ECHDC1: variants seen among roughly 807,000 people sequenced by gnomAD.
ECHDC1 encodes ethylmalonyl-CoA decarboxylase 1, also known as ethylmalonyl-CoA decarboxylase.
ECHDC1 carries 29 observed loss-of-function variants against 29.7 expected under a neutral mutation model. The ratio of observed to expected loss-of-function variants is 0.98; its 90% CI spans 0.73 to 1.33. The LOEUF is 1.33. Among genes scored for constraint, ECHDC1 ranks in the 40% most tolerant of loss-of-function variants. The pLI, the probability that ECHDC1 is intolerant of heterozygous loss-of-function variation, is 0.00. For synonymous variants in ECHDC1, 126 were observed against 123.1 expected, an observed-to-expected ratio of 1.02 and a Z score of -0.15; for missense variants, 328 against 350.0, an observed-to-expected ratio of 0.94 and a Z score of 0.50.
At chr6:127,338,509 A>G (rs556126906) in intron 1 of ECHDC1, among the ~76,000 whole-genome samples, 61 of 152,278 alleles carry the variant, frequency 4.0e-4, no homozygotes, top group African/African-American at 1.4e-3. Flanking sequence ...ACATTAAATC[A>G]GTGCATGGAA....
Position 127,290,206 on chromosome 6 carries a change from G to GT in ECHDC1, c.568dup (p.Thr190AsnfsTer6). 1.2e-6 allele frequency: 2 copies of GT among 1,613,586 alleles called. No homozygotes were observed. Among genetic ancestry groups the GT allele is most frequent in the Non-Finnish European group, 8.5e-7 (1 of 1,179,728 alleles). ...TCCGATTATTTCAACTAGCCGGGTG[G>GT]TGCCACCCCAGCTTGGTATTATGCC... On this transcript the variant is annotated frameshift_variant, in exon 6 of 6. Transcript: ENST00000454859. LOFTEE classifies it high-confidence loss of function.
chr6:127,310,365 A>T (rs961173297), intron 5 of ECHDC1, among the ~76,000 whole-genome samples: 3 of 152,142 alleles, frequency 2.0e-5, no homozygotes, highest in Admixed American at 2.0e-4. Context: ...AAATATATAC[A>T]TCTACTATGT....
intron 3 of ECHDC1, among the ~76,000 whole-genome samples, chr6:127,320,863 C>T (rs192960957): frequency 2.6e-5 from 4 of 151,306 alleles, no homozygotes; most frequent in South Asian, 4.2e-4. Context: ...CATACCAAGA[C>T]GCGATCAACT....
At chr6:127,317,677 G>A (rs1012156652) in intron 3 of ECHDC1, among the ~76,000 whole-genome samples, 8 of 152,130 alleles carry the variant, frequency 5.3e-5, no homozygotes, top group South Asian at 2.1e-4. Context: ...CTGAGCTAGC[G>A]GTCAATAAGG....
intron 5 of ECHDC1, among the ~76,000 whole-genome samples, chr6:127,309,802 AAG>A (rs1204504691): frequency 6.6e-6 from 1 of 152,224 alleles, no homozygotes; most frequent in Non-Finnish European, 1.5e-5. Flanking sequence ...GCAGAAGGCG[AAG>A]CGGAAGCAGG....
intron 4 of ECHDC1, chr6:127,315,392 T>A: frequency 1.0e-5 from 3 of 300,524 alleles, no homozygotes; most frequent in South Asian, 9.3e-5. Context: ...CCTTCAAAAA[T>A]CTACTCATTG....
chr6:127,320,174 T>A (rs1177475658), intron 3 of ECHDC1, among the ~76,000 whole-genome samples: 1 of 152,144 alleles, frequency 6.6e-6, no homozygotes, highest in Non-Finnish European at 1.5e-5. Flanking sequence ...CCTGCCACCA[T>A]GGCCAAGTAA....
intron 3 of ECHDC1, among the ~76,000 whole-genome samples, chr6:127,324,636 G>A (rs1055433468): frequency 1.3e-5 from 2 of 152,020 alleles, no homozygotes; most frequent in African/African-American, 2.4e-5. Context: ...TTATATAATT[G>A]GAGCAGGGAA....
intron 1 of ECHDC1, among the ~76,000 whole-genome samples, chr6:127,335,746 A>T (rs1441766834): frequency 6.6e-6 from 1 of 152,110 alleles, no homozygotes; most frequent in Non-Finnish European, 1.5e-5. Context: ...GATATACAAA[A>T]CTAATAAGCA....
Position 127,326,758 on chromosome 6 carries a change from T to A in ECHDC1, c.363+244A>T, listed in dbSNP as rs190165244. ...TGAGAGTGTTCTGCTAAACTAGAAA[T>A]AACAGTAATTTCAAAGCTTTTAACA... is the stretch of plus-strand genomic sequence containing the variant. On this transcript the variant is annotated intron_variant, in intron 3 of 5. Coordinates refer to ENST00000454859, the MANE Select transcript of ECHDC1 (RefSeq NM_001002030.2). 953 of 444,052 alleles carry A rather than the reference T, an allele frequency of 2.1e-3. 9 individuals carry two copies. Among genetic ancestry groups the A allele is most frequent in the African/African-American group, 0.017 (879 of 50,466 alleles). 27.5% of individuals were successfully genotyped at this position (444,052 alleles called of 1,614,324 possible).
At chr6:127,311,978 A>G (rs1016350585) in intron 5 of ECHDC1, among the ~76,000 whole-genome samples, 3 of 152,030 alleles carry the variant, frequency 2.0e-5, no homozygotes, top group Non-Finnish European at 4.4e-5. Context: ...CAAGTTTTTC[A>G]TAAGTGTATA....
At chr6:127,343,250 A>G (rs1785123974) in intron 1 of ECHDC1, 86 bp downstream of exon 1, 1 of 152,266 alleles carries the variant, frequency 6.6e-6, no homozygotes, top group Non-Finnish European at 1.5e-5. Context: ...AGCGAGCGGT[A>G]CAGTCCATTC....
chr6:127,296,957 A>T (rs1294536597), intron 5 of ECHDC1, among the ~76,000 whole-genome samples: 2 of 152,154 alleles, frequency 1.3e-5, no homozygotes, highest in Admixed American at 6.6e-5. Flanking sequence ...GTGAGCAGTG[A>T]TCGTACCACT....
intron 2 of ECHDC1, 129 bp from the exon 3 acceptor site, chr6:127,327,273 T>C (rs1783436702): frequency 9.6e-7 from 1 of 1,045,286 alleles, no homozygotes; most frequent in African/African-American, 1.6e-5. Context: ...TGAGTGTCTA[T>C]CAAATGCCTA....
intron 5 of ECHDC1, among the ~76,000 whole-genome samples, chr6:127,307,940 T>C (rs989969642): frequency 3.3e-5 from 5 of 151,588 alleles, no homozygotes; most frequent in African/African-American, 9.7e-5. Context: ...CAAGATTGAG[T>C]AGGAAGAAAT....
intron 5 of ECHDC1, among the ~76,000 whole-genome samples, chr6:127,310,955 A>T (rs1192882517): frequency 6.6e-6 from 1 of 152,178 alleles, no homozygotes; most frequent in African/African-American, 2.4e-5. Context: ...GATTGGTAGC[A>T]TTTCTCAGCA....
At chr6:127,331,530 T>C (rs1276721384) in intron 1 of ECHDC1, among the ~76,000 whole-genome samples, 1 of 152,214 alleles carries the variant, frequency 6.6e-6, no homozygotes, top group East Asian at 1.9e-4. Flanking sequence ...AACCAAATAA[T>C]TCACAAAGCA....
At chr6:127,307,427 G>A (rs111491826) in intron 5 of ECHDC1, among the ~76,000 whole-genome samples, 10,581 of 151,968 alleles carry the variant, frequency 0.07, 388 homozygotes, top group South Asian at 0.098. Flanking sequence ...TCAGGAGTTT[G>A]AGACCAGCCT....
In ECHDC1 at chr6:127,327,032, C is replaced by T. The variant is rs758621078; in HGVS notation, c.333G>A (p.Leu111=). ...AKNTFSSGSD[L]NAVKSLGTPE... The stretch of plus-strand genomic sequence containing the variant: ...GAGTTCCTAGTGATTTCACAGCATT[C>T]AGATCAGATCCTGAAGAGAAAGTAT... The change falls in exon 3 of 6, where the codon CTG becomes CTA. Residue 111 remains leucine (L), a synonymous_variant. Coordinates refer to ENST00000454859, the MANE Select transcript of ECHDC1 (RefSeq NM_001002030.2). 6.2e-7 allele frequency: 1 copy of T among 1,613,876 alleles called. No homozygotes were observed. The highest frequency in any genetic ancestry group is 8.5e-7 in the Non-Finnish European group (1 of 1,179,926).
Sources: allele counts gnomAD v4.1 joint callset (sites outside exome capture counted in the v4.1 genomes callset), GRCh38; gene constraint gnomAD v4.1.1; transcripts MANE v1.5; gene names NCBI Gene and HGNC (gene_info 2026-07-23, HGNC 2026-07-21).